The following ARHGAP31 variants were observed in gnomAD, a reference collection of about 807,000 sequenced individuals.
The protein encoded by ARHGAP31 is Rho GTPase activating protein 31, also known as rho GTPase-activating protein 31.
Under a neutral mutation model 113.9 loss-of-function variants are expected in ARHGAP31, and 34 were observed. That is an observed-to-expected ratio of 0.30 (90% confidence interval 0.23 to 0.40). ARHGAP31 has a LOEUF of 0.40. ARHGAP31 is among the 10% of genes least tolerant of loss of function. ARHGAP31 has a pLI of 1.00. For synonymous variants in ARHGAP31, 650 were observed against 684.8 expected (o/e 0.95, Z 0.79); for missense variants, 1,548 against 1,767.1 (o/e 0.88, Z 2.22).
At chr3:119,328,282 T>C (rs1022048187) in intron 1 of ARHGAP31, among the ~76,000 whole-genome samples, 1 of 152,148 alleles carries the variant, frequency 6.6e-6, no homozygotes, top group African/African-American at 2.4e-5. Flanking sequence ...ACAGTTCTGA[T>C]GGTAGATTAA....
At chr3:119,322,817 C>CT (rs146733162) in intron 1 of ARHGAP31, 1,789 of 153,158 alleles carry the variant, frequency 0.012, 30 homozygotes, top group African/African-American at 0.04. Flanking sequence ...AGGTCAGACC[C>CT]TACAGGGGGC....
At chr3:119,309,229 G>T (rs566706544) in intron 1 of ARHGAP31, among the ~76,000 whole-genome samples, 1 of 152,238 alleles carries the variant, frequency 6.6e-6, no homozygotes, top group Non-Finnish European at 1.5e-5. Context: ...GGAAAGCCCT[G>T]TATGTGAGGG....
At position 119,416,321 on chromosome 3, in the gene ARHGAP31, A is replaced by T. The variant is rs1360351630; in HGVS notation, c.*57A>T. 4 of 1,604,714 alleles carry T rather than the reference A, an allele frequency of 2.5e-6. No homozygotes were observed. In the South Asian group the frequency reaches 4.4e-5, roughly 18 times the overall value. On this transcript the variant is annotated 3_prime_UTR_variant, in exon 12 of 12. Transcript: ENST00000264245. ...CCGTGATTCATCTGGAAGTTATTACAGGGCCAGCTTGCCATATTCCAGGCA... is the reference window on the plus strand; with the variant it reads ...CCGTGATTCATCTGGAAGTTATTACTGGGCCAGCTTGCCATATTCCAGGCA...
At chr3:119,365,173 C>T (rs2080243058) in intron 1 of ARHGAP31, 143 bp from the exon 2 acceptor site, 4 of 683,030 alleles carry the variant, frequency 5.9e-6, no homozygotes, top group Non-Finnish European at 7.7e-6. Flanking sequence ...CTACCACTTA[C>T]AAGAAATTGT....
At chr3:119,409,864 A>T (rs201266160) in intron 11 of ARHGAP31, 88 bp downstream of exon 11, 19 of 1,389,678 alleles carry the variant, frequency 1.4e-5, no homozygotes, top group Middle Eastern at 2.6e-4. Flanking sequence ...TTGAAAAAAA[A>T]TTTTTTTTTG....
chr3:119,373,103 A>T (rs1386413467), intron 3 of ARHGAP31, among the ~76,000 whole-genome samples: 2 of 152,228 alleles, frequency 1.3e-5, no homozygotes, highest in Non-Finnish European at 2.9e-5. Flanking sequence ...GTCACAAAAA[A>T]CAAACTTAAA....
Position 119,402,392 on chromosome 3 carries a change from C to A in ARHGAP31, c.1640C>A (p.Ser547Tyr). 6.2e-7 allele frequency: 1 copy of A among 1,612,934 alleles called. No homozygotes were observed. Among genetic ancestry groups the A allele is most frequent in the Non-Finnish European group, 8.5e-7 (1 of 1,179,722 alleles). ...GAGAAACCGCTGGGAGCTGAGACTT[C>A]TGCAGGTAAGTAGAGGAGAGAGGGT... is the stretch of plus-strand genomic sequence containing the variant. ...EEEKPLGAET[S>Y]AASVPKKAGL... Residue 547 changes from serine (S) to tyrosine (Y), a missense_variant, in exon 10 of 12, where the codon TCT becomes TAT. Physicochemically the swap from Ser to Tyr is moderately radical, Grantham distance 144 (BLOSUM62 -2). Transcript: ENST00000264245.
intron 8 of ARHGAP31, 115 bp from the exon 9 acceptor site, chr3:119,399,084 C>A: frequency 1.2e-6 from 1 of 868,754 alleles, no homozygotes; most frequent in Non-Finnish European, 1.9e-6. Flanking sequence ...ATCAATTATA[C>A]TTGAAAAACT....
chr3:119,309,742 A>G (rs894235955), intron 1 of ARHGAP31, among the ~76,000 whole-genome samples: 32 of 151,974 alleles, frequency 2.1e-4, no homozygotes, highest in African/African-American at 7.5e-4. Context: ...CCTGAGACAG[A>G]GTGAGACTCT....
intron 3 of ARHGAP31, among the ~76,000 whole-genome samples, chr3:119,379,958 T>A (rs2080381095): frequency 6.6e-6 from 1 of 152,192 alleles, no homozygotes; most frequent in Non-Finnish European, 1.5e-5. Flanking sequence ...TCTCAGAACA[T>A]GGGTGCAGGT....
chr3:119,383,782 TG>T (rs2080424250), intron 6 of ARHGAP31, among the ~76,000 whole-genome samples: 2 of 152,246 alleles, frequency 1.3e-5, no homozygotes, highest in Non-Finnish European at 2.9e-5. Context: ...ATTGTGTTTG[TG>T]GGCATCTTGT....
chr3:119,316,281 T>C (rs2107599784), intron 1 of ARHGAP31, among the ~76,000 whole-genome samples: 1 of 152,316 alleles, frequency 6.6e-6, no homozygotes, highest in Non-Finnish European at 1.5e-5. Flanking sequence ...TTGAAAATAG[T>C]GGGTTGTTAA....
intron 1 of ARHGAP31, among the ~76,000 whole-genome samples, chr3:119,351,939 T>C (rs1212925878): frequency 6.6e-6 from 1 of 152,368 alleles, no homozygotes; most frequent in East Asian, 1.9e-4. Context: ...AGGATTTAAA[T>C]GATTTTAAAT....
Position 119,402,058 on chromosome 3 carries a change from C to G in ARHGAP31, c.1306C>G (p.Arg436Gly). 1.2e-6 allele frequency: 2 copies of G among 1,614,194 alleles called. No homozygotes were observed. The highest frequency in any genetic ancestry group is 1.7e-6 in the Non-Finnish European group (2 of 1,180,042). The change falls in exon 10 of 12, where the codon CGG (arginine) becomes GGG (glycine). Residue 436 changes from arginine to glycine, a missense_variant. By Grantham distance (125) the Arg-to-Gly change is moderately radical. Coordinates refer to ENST00000264245, the MANE Select transcript of ARHGAP31 (RefSeq NM_020754.4). Reference protein sequence around the residue: ...RPPPEQLKVFRPVEDPESEQT... With the variant: ...RPPPEQLKVFGPVEDPESEQT... Reference sequence around the variant, plus strand: ...CCCACCGGAACAGCTGAAGGTTTTCCGGCCTGTTGAGGATCCGGAGAGCGA... The same window carrying G: ...CCCACCGGAACAGCTGAAGGTTTTCGGGCCTGTTGAGGATCCGGAGAGCGA...
chr3:119,397,170 T>G (rs555595244), intron 8 of ARHGAP31, among the ~76,000 whole-genome samples: 1 of 152,292 alleles, frequency 6.6e-6, no homozygotes, highest in East Asian at 1.9e-4. Flanking sequence ...GCCTGAGCTC[T>G]TAGTTAATCT....
In ARHGAP31 at chr3:119,417,608, T is replaced by C; in HGVS notation, c.*1344T>C. The C allele has an allele frequency of 6.6e-6, 1 of 151,482 alleles. No individual in the cohort carries two copies. The highest frequency in any genetic ancestry group is 1.5e-5 in the Non-Finnish European group (1 of 67,884). 9.4% of individuals were successfully genotyped at this position (151,482 alleles called of 1,614,324 possible). On this transcript the variant is annotated 3_prime_UTR_variant, in exon 12 of 12. Transcript: ENST00000264245. ...AAAAATAACAGACTTGAGGAACCCCTCTCCCTTCCATAATTCCCCTCATCC... is the reference window on the plus strand; with the variant it reads ...AAAAATAACAGACTTGAGGAACCCCCCTCCCTTCCATAATTCCCCTCATCC...
intron 1 of ARHGAP31, among the ~76,000 whole-genome samples, chr3:119,361,447 T>A (rs1332672168): frequency 1.3e-5 from 2 of 149,906 alleles, no homozygotes; most frequent in Non-Finnish European, 3.0e-5. Context: ...AGTGGTGCAA[T>A]CTTGGCTCAC....
rs192191840 is a variant in ARHGAP31 at position 119,319,416 on chromosome 3, C to T, written c.100+24412C>T. Among the ~76,000 whole-genome samples the T allele has an allele frequency of 1.4e-4, 22 of 152,148 alleles. No individual in the cohort carries two copies. The East Asian group carries it at 1.5e-3, about 11-fold the overall frequency. On this transcript the variant is annotated intron_variant, in intron 1 of 11. Transcript: ENST00000264245. The stretch of plus-strand genomic sequence containing the variant: ...TTTAAAAAGATAATTTCTCTGCCAC[C>T]GTCTTTTATTTTTGTGGAAAATATT...
intron 1 of ARHGAP31, among the ~76,000 whole-genome samples, chr3:119,342,182 T>C (rs2080014486): frequency 6.6e-6 from 1 of 152,202 alleles, no homozygotes; most frequent in Non-Finnish European, 1.5e-5. Context: ...ATGTGTGTTA[T>C]GGTTGTGTGA....
Sources: allele counts gnomAD v4.1 joint callset (sites outside exome capture counted in the v4.1 genomes callset), GRCh38; gene constraint gnomAD v4.1.1; transcripts MANE v1.5; gene names NCBI Gene and HGNC (gene_info 2026-07-23, HGNC 2026-07-21).